MGAT5: variants seen among roughly 807,000 people sequenced by gnomAD.
MGAT5 encodes the protein alpha-1,6-mannosylglycoprotein 6-beta-N-acetylglucosaminyltransferase A.
Under a neutral mutation model 94.3 loss-of-function variants are expected in MGAT5, and 30 were observed. That is an observed-to-expected ratio of 0.32 (90% CI 0.24 to 0.43). MGAT5 has a LOEUF of 0.43. Ranked by LOEUF, MGAT5 falls within the 20% of genes least tolerant of loss-of-function variation. MGAT5 has a pLI of 1.00. For missense variants in MGAT5, 691 were observed against 905.5 expected (o/e 0.76, Z 3.04); for synonymous variants, 310 against 322.9 (o/e 0.96, Z 0.43).
intron 1 of MGAT5, among the ~76,000 whole-genome samples, chr2:134,198,678 T>C (rs138603723): frequency 8.7e-4 from 133 of 152,324 alleles, no homozygotes; most frequent in African/African-American, 2.7e-3. Context: ...TATATTGTAG[T>C]GGATCAAGTA....
intron 1 of MGAT5, among the ~76,000 whole-genome samples, chr2:134,191,840 CCCT>C (rs368398273): frequency 1.4e-5 from 2 of 146,158 alleles, no homozygotes; most frequent in African/African-American, 5.1e-5. Context: ...TGGATTCGCG[CCCT>C]CCTCCTCCTG....
chr2:134,208,887 G>A (rs377233048), intron 1 of MGAT5, among the ~76,000 whole-genome samples: 1 of 152,180 alleles, frequency 6.6e-6, no homozygotes, highest in East Asian at 1.9e-4. Flanking sequence ...AGCCTCTGGG[G>A]AAAATAAATA....
intron 1 of MGAT5, among the ~76,000 whole-genome samples, chr2:134,203,686 G>A (rs1421792800): frequency 6.6e-6 from 1 of 151,752 alleles, no homozygotes; most frequent in Admixed American, 6.6e-5. Context: ...GACTCTTGGG[G>A]GCCCAAGACT....
In MGAT5 at chr2:134,341,495, C is replaced by T. The variant is rs1217895384; in HGVS notation, c.808-95C>T. 6.7e-6 allele frequency: 7 copies of T among 1,047,558 alleles called. No individual in the cohort carries two copies. The East Asian group carries it at 1.8e-4, about 27-fold the overall frequency. The allele number at this position is 1,047,558 out of a possible 1,614,324, so 64.9% of individuals were successfully genotyped here. A position where few individuals can be genotyped will look rare whatever the true frequency, so the allele number is the denominator to read the frequency against. ...CCCTTTGATTTTGTTAGGATGTAAACATGACTTTGGGATTGGTCAATCATT... is the reference window on the plus strand; with the variant it reads ...CCCTTTGATTTTGTTAGGATGTAAATATGACTTTGGGATTGGTCAATCATT... On this transcript the variant is annotated intron_variant, in intron 6 of 15. Transcript: ENST00000281923.
intron 1 of MGAT5, among the ~76,000 whole-genome samples, chr2:134,159,036 A>C (rs143050460): frequency 6.6e-5 from 10 of 152,366 alleles, no homozygotes; most frequent in African/African-American, 2.4e-4. Flanking sequence ...CATGTTTTAC[A>C]TGGTGATATT....
intron 2 of MGAT5, among the ~76,000 whole-genome samples, chr2:134,305,615 A>T (rs1319994661): frequency 6.6e-6 from 1 of 152,192 alleles, no homozygotes; most frequent in Non-Finnish European, 1.5e-5. Flanking sequence ...TGACAGTTTG[A>T]TAAGAACAGG....
At chr2:134,217,654 G>A (rs1680567066) in intron 1 of MGAT5, among the ~76,000 whole-genome samples, 1 of 152,180 alleles carries the variant, frequency 6.6e-6, no homozygotes, top group African/African-American at 2.4e-5. Context: ...AAATAAGGTT[G>A]GTTTTGTTAC....
At chr2:134,372,324 C>T (rs1680862341) in intron 10 of MGAT5, among the ~76,000 whole-genome samples, 1 of 152,208 alleles carries the variant, frequency 6.6e-6, no homozygotes, top group African/African-American at 2.4e-5. Flanking sequence ...GACTTGCCCC[C>T]TTGTTTCCAT....
At chr2:134,325,879 G>T (rs566654725) in intron 4 of MGAT5, among the ~76,000 whole-genome samples, 10 of 152,122 alleles carry the variant, frequency 6.6e-5, no homozygotes, top group African/African-American at 9.6e-5. Context: ...AGCCCATGTT[G>T]TTGCATAACC....
rs1686019544 is a variant in MGAT5 at position 134,450,082 on chromosome 2, G to A, written c.*1235G>A. 1 of 152,368 alleles carries A rather than the reference G, an allele frequency of 6.6e-6. No individual in the cohort carries two copies. Among genetic ancestry groups the A allele is most frequent in the African/African-American group, 2.4e-5 (1 of 41,460 alleles). 9.4% of individuals were successfully genotyped at this position (152,368 alleles called of 1,614,324 possible). A position where few individuals can be genotyped will look rare whatever the true frequency, so the allele number is the denominator to read the frequency against. ...ATCAGTCATCAGGTTGGCCTGGTCAGACACACTGGACCCCACCTTCCAAAC... is the reference window on the plus strand; with the variant it reads ...ATCAGTCATCAGGTTGGCCTGGTCAAACACACTGGACCCCACCTTCCAAAC... On this transcript the variant is annotated 3_prime_UTR_variant, in exon 16 of 16. Coordinates refer to ENST00000281923, the MANE Select transcript of MGAT5 (RefSeq NM_002410.5).
chr2:134,272,258 G>A (rs1390073487), intron 2 of MGAT5, among the ~76,000 whole-genome samples: 3 of 152,186 alleles, frequency 2.0e-5, no homozygotes, highest in East Asian at 3.8e-4. Flanking sequence ...CTAGTGTACC[G>A]CTTAACAAGC....
intron 2 of MGAT5, among the ~76,000 whole-genome samples, chr2:134,301,859 C>T (rs1558772690): frequency 1.3e-5 from 2 of 152,132 alleles, no homozygotes; most frequent in Non-Finnish European, 2.9e-5. Flanking sequence ...ATTTTGCCTC[C>T]AGCCTTGGAG....
chr2:134,286,881 G>A (rs893099040), intron 2 of MGAT5, among the ~76,000 whole-genome samples: 2 of 152,156 alleles, frequency 1.3e-5, no homozygotes, highest in African/African-American at 4.8e-5. Context: ...AAAGTCCAGA[G>A]GCATTATCAC....
At chr2:134,424,671 T>G (rs1197515554) in intron 13 of MGAT5, among the ~76,000 whole-genome samples, 2 of 152,138 alleles carry the variant, frequency 1.3e-5, no homozygotes, top group African/African-American at 4.8e-5. Context: ...AACAACTGAG[T>G]GGCTTAAAAC....
At chr2:134,229,976 A>G (rs1032838794) in intron 1 of MGAT5, among the ~76,000 whole-genome samples, 1 of 152,216 alleles carries the variant, frequency 6.6e-6, no homozygotes, top group African/African-American at 2.4e-5. Context: ...ATGAAATAGC[A>G]CTTTACATCT....
chr2:134,121,487 AG>A (rs1167667099), intron 1 of MGAT5, among the ~76,000 whole-genome samples: 1 of 152,154 alleles, frequency 6.6e-6, no homozygotes, highest in Non-Finnish European at 1.5e-5. Context: ...TGGAGCGCAG[AG>A]GGGGTGCTTG....
At chr2:134,295,342 T>A (rs966377397) in intron 2 of MGAT5, among the ~76,000 whole-genome samples, 3 of 152,118 alleles carry the variant, frequency 2.0e-5, no homozygotes, top group Non-Finnish European at 4.4e-5. Context: ...AATTGGGAGC[T>A]TAGTAGGCCC....
intron 1 of MGAT5, among the ~76,000 whole-genome samples, chr2:134,222,699 T>G (rs1306379221): frequency 6.6e-6 from 1 of 152,278 alleles, no homozygotes; most frequent in Non-Finnish European, 1.5e-5. Flanking sequence ...CATATAATTC[T>G]GCAGTGTTAT....
chr2:134,278,414 T>C (rs1288973954), intron 2 of MGAT5, among the ~76,000 whole-genome samples: 1 of 152,146 alleles, frequency 6.6e-6, no homozygotes, highest in Non-Finnish European at 1.5e-5. Context: ...AGGGTCATGA[T>C]TGGCTTGGCT....
Sources: allele counts gnomAD v4.1 joint callset (sites outside exome capture counted in the v4.1 genomes callset), GRCh38; gene constraint gnomAD v4.1.1; transcripts MANE v1.5; gene names NCBI Gene and HGNC (gene_info 2026-07-23, HGNC 2026-07-21).